The following TSNARE1 variants were observed in gnomAD, a reference collection of about 807,000 sequenced individuals.
TSNARE1 encodes the protein t-SNARE domain-containing protein 1.
A neutral mutation model predicts 62.0 loss-of-function variants in TSNARE1; 49 were observed. The ratio of observed to expected loss-of-function variants is 0.79; its 90% CI spans 0.63 to 1.00. The LOEUF is 1.00. Ranked by LOEUF, TSNARE1 falls within the 50% of genes least tolerant of loss-of-function variation. The pLI is 0.00. For synonymous variants in TSNARE1, 328 were observed against 294.4 expected (o/e 1.11, Z -1.17); for missense variants, 755 against 700.1 (o/e 1.08, Z -0.88).
At chr8:142,298,844 C>T (rs1038331854) in intron 10 of TSNARE1, among the ~76,000 whole-genome samples, 22 of 152,202 alleles carry the variant, frequency 1.4e-4, no homozygotes, top group Admixed American at 6.5e-4. Context: ...AGCTGTGAAG[C>T]CTTCAGGGCA....
At chr8:142,274,740 G>A (rs1309607436) in intron 12 of TSNARE1, 41 bp downstream of exon 12, 2 of 1,458,396 alleles carry the variant, frequency 1.4e-6, no homozygotes, top group African/African-American at 1.4e-5. Flanking sequence ...AGGGGACGGA[G>A]GCCGGGCCGG....
intron 1 of TSNARE1, among the ~76,000 whole-genome samples, chr8:142,395,389 G>T (rs1837825419): frequency 6.6e-6 from 1 of 152,056 alleles, no homozygotes; most frequent in African/African-American, 2.4e-5. Context: ...GACTTCAACA[G>T]CCCAGGAGGT....
intron 11 of TSNARE1, chr8:142,278,869 G>C: frequency 1.1e-6 from 1 of 916,338 alleles, no homozygotes; most frequent in Non-Finnish European, 1.3e-6. Flanking sequence ...GCACAGCGTG[G>C]GGCGGGGAAG....
At chr8:142,278,475 A>AG (rs1820858358) in intron 11 of TSNARE1, 1 of 985,212 alleles carries the variant, frequency 1.0e-6, no homozygotes, top group African/African-American at 1.7e-5. Context: ...CAGGAAGGGG[A>AG]GGGTCCAGCG....
At chr8:142,270,452 G>A (rs1819422445) in intron 12 of TSNARE1, 1 of 982,162 alleles carries the variant, frequency 1.0e-6, no homozygotes, top group Non-Finnish European at 1.2e-6. Flanking sequence ...TGTCATCCCA[G>A]CCCCATACAG....
chr8:142,355,907 G>A (rs1186374543), intron 1 of TSNARE1, among the ~76,000 whole-genome samples: 1 of 152,128 alleles, frequency 6.6e-6, no homozygotes, highest in African/African-American at 2.4e-5. Context: ...GCAGCACCAG[G>A]ACACCATCGA....
chr8:142,278,719 T>G (rs1820909819), intron 11 of TSNARE1: 5 of 984,774 alleles, frequency 5.1e-6, no homozygotes, highest in Middle Eastern at 5.2e-4. Context: ...GTCCCTGGAG[T>G]GGGCCCGTGG....
At chr8:142,377,135 C>A (rs1478269340) in intron 1 of TSNARE1, among the ~76,000 whole-genome samples, 1 of 152,276 alleles carries the variant, frequency 6.6e-6, no homozygotes, top group African/African-American at 2.4e-5. Flanking sequence ...TCCGCAGACA[C>A]TCCTCATCCA....
intron 1 of TSNARE1, among the ~76,000 whole-genome samples, chr8:142,392,778 T>C (rs778328722): frequency 6.6e-6 from 1 of 152,024 alleles, no homozygotes; most frequent in African/African-American, 2.4e-5. Flanking sequence ...CCGTCTCTAC[T>C]AAAAATACAA....
intron 1 of TSNARE1, among the ~76,000 whole-genome samples, chr8:142,401,729 A>C (rs1339220246): frequency 6.6e-6 from 1 of 151,990 alleles, no homozygotes; most frequent in Non-Finnish European, 1.5e-5. Context: ...CCCAGCCAAA[A>C]CTCAACCTCC....
intron 9 of TSNARE1, 118 bp from the exon 10 acceptor site, chr8:142,300,762 G>GT: frequency 7.5e-7 from 1 of 1,325,774 alleles, no homozygotes; most frequent in Non-Finnish European, 1.0e-6. Flanking sequence ...GCTCTCTGAG[G>GT]GGACGATCTG....
intron 12 of TSNARE1, among the ~76,000 whole-genome samples, chr8:142,258,032 C>T (rs1189734160): frequency 6.6e-6 from 1 of 152,172 alleles, no homozygotes; most frequent in African/African-American, 2.4e-5. Context: ...TACACACATG[C>T]ACACATGCAC....
At chr8:142,379,407 C>T (rs965930223) in intron 1 of TSNARE1, among the ~76,000 whole-genome samples, 1 of 152,204 alleles carries the variant, frequency 6.6e-6, no homozygotes, top group Non-Finnish European at 1.5e-5. Context: ...ATGAGCCGCA[C>T]GCTGGCCGAG....
chr8:142,231,581 C>G (rs547956849), intron 12 of TSNARE1, among the ~76,000 whole-genome samples: 16 of 152,184 alleles, frequency 1.1e-4, no homozygotes, highest in Non-Finnish European at 2.1e-4. Flanking sequence ...CACATGACAG[C>G]GCCCATGGCT....
rs550954494 is a variant in TSNARE1 at position 142,392,170 on chromosome 8, C to T, written c.-40+10934G>A. On this transcript the variant is annotated intron_variant, in intron 1 of 13. Transcript: ENST00000524325. ...TCCCGAGTGGCTGGGATTACAGGGG[C>T]GCACCACCATGCCCGGCTAATTTTT... 2.1e-4 allele frequency among the ~76,000 whole-genome samples: 32 copies of T among 152,142 alleles called. No individual in the cohort carries two copies. The South Asian group carries it at 2.7e-3, about 13-fold the overall frequency.
intron 1 of TSNARE1, among the ~76,000 whole-genome samples, chr8:142,380,382 A>G (rs1000450272): frequency 5.3e-5 from 8 of 151,962 alleles, no homozygotes; most frequent in African/African-American, 1.9e-4. Flanking sequence ...CAGCTGGGAC[A>G]CTCACCTGGG....
In TSNARE1 at chr8:142,291,225, G is replaced by A. The variant is rs1344502488; in HGVS notation, c.1291-6740C>T. The stretch of plus-strand genomic sequence containing the variant: ...ATCCCACCACCCTCATCTCAGAAAG[G>A]CCAAGCAAAAGTCGGCTCTCCAGCA... On this transcript the variant is annotated intron_variant, in intron 10 of 13. Coordinates refer to ENST00000524325, the MANE Select transcript of TSNARE1 (RefSeq NM_145003.5). This position sits in a 1 kb window ranked among gnomAD's most constrained non-coding sequence, Gnocchi z 4.8. 6.6e-6 allele frequency among the ~76,000 whole-genome samples: 1 copy of A among 151,792 alleles called. No individual in the cohort carries two copies. Among genetic ancestry groups the A allele is most frequent in the Non-Finnish European group, 1.5e-5 (1 of 67,990 alleles).
At chr8:142,241,508 C>G (rs1490986552) in intron 12 of TSNARE1, among the ~76,000 whole-genome samples, 1 of 152,058 alleles carries the variant, frequency 6.6e-6, no homozygotes, top group African/African-American at 2.4e-5. Context: ...GAAAAAAAAT[C>G]TAAAATTTGT....
intron 1 of TSNARE1, among the ~76,000 whole-genome samples, chr8:142,384,597 C>A (rs1836986669): frequency 6.6e-6 from 1 of 152,106 alleles, no homozygotes; most frequent in Non-Finnish European, 1.5e-5. Context: ...ATCTTTTCAA[C>A]AAATGGTGCT....
Sources: allele counts gnomAD v4.1 joint callset (sites outside exome capture counted in the v4.1 genomes callset), GRCh38; gene constraint gnomAD v4.1.1; non-coding constraint Gnocchi (gnomAD v3.1); transcripts MANE v1.5; gene names NCBI Gene and HGNC (gene_info 2026-07-23, HGNC 2026-07-21).